Variants in TASP1 observed in about 807,000 individuals in gnomAD.
TASP1 encodes threonine aspartase 1.
TASP1 carries 16 observed loss-of-function variants against 56.6 expected under a neutral mutation model. The observed-to-expected ratio is 0.28, with a 90% CI of 0.19 to 0.43. The LOEUF is 0.43. Among genes scored for constraint, TASP1 ranks in the 20% least tolerant of loss-of-function variants. TASP1 has a pLI of 1.00. For synonymous variants in TASP1, 179 were observed against 184.2 expected, an observed-to-expected ratio of 0.97 and a Z score of 0.23; for missense variants, 393 against 511.6, an observed-to-expected ratio of 0.77 and a Z score of 2.24.
At chr20:13,620,106 G>A (rs1179681043) in intron 4 of TASP1, among the ~76,000 whole-genome samples, 1 of 151,942 alleles carries the variant, frequency 6.6e-6, no homozygotes, top group East Asian at 1.9e-4. Flanking sequence ...ACCTCATTCT[G>A]GTGTCCAGAA....
At chr20:13,519,748 CAT>C (rs1332239231) in intron 10 of TASP1, among the ~76,000 whole-genome samples, 1 of 152,130 alleles carries the variant, frequency 6.6e-6, no homozygotes, top group African/African-American at 2.4e-5. Context: ...TCCTATTTAA[CAT>C]AGTGTTGGAA....
At chr20:13,349,501 G>A in the TASP1 span, among the ~76,000 whole-genome samples, 3 of 152,122 alleles carry the variant, frequency 2.0e-5, no homozygotes, top group Non-Finnish European at 4.4e-5. Flanking sequence ...CCTTAATATT[G>A]GGGTCGTGGG....
intron 1 of TASP1, among the ~76,000 whole-genome samples, chr20:13,631,728 T>C (rs569383021): frequency 5.9e-5 from 9 of 152,370 alleles, no homozygotes; most frequent in African/African-American, 2.2e-4. Flanking sequence ...CACTGTCATC[T>C]GAGATATTTT....
the TASP1 span, chr20:13,288,443 GAGA>G: frequency 2.0e-5 from 26 of 1,312,036 alleles, no homozygotes; most frequent in Non-Finnish European, 2.6e-5. Flanking sequence ...CTCCCACAGC[GAGA>G]AGGATAGAAG....
At chr20:13,632,029 G>A (rs1008412480) in intron 1 of TASP1, among the ~76,000 whole-genome samples, 3 of 151,696 alleles carry the variant, frequency 2.0e-5, no homozygotes, top group African/African-American at 7.3e-5. Context: ...TCCAGCCTGG[G>A]CGACGGAGCA....
At chr20:13,433,303 A>G (rs1284418824) in intron 12 of TASP1, among the ~76,000 whole-genome samples, 1 of 152,104 alleles carries the variant, frequency 6.6e-6, no homozygotes, top group African/African-American at 2.4e-5. Context: ...CAAAGGTTTT[A>G]TGTAAACCCC....
At chr20:13,442,537 G>C (rs1337285229) in intron 11 of TASP1, among the ~76,000 whole-genome samples, 1 of 152,032 alleles carries the variant, frequency 6.6e-6, no homozygotes, top group East Asian at 1.9e-4. Context: ...CAGCTACTCA[G>C]GAAGCTGAGG....
chr20:13,252,643 T>A, the TASP1 span, among the ~76,000 whole-genome samples: 1 of 152,042 alleles, frequency 6.6e-6, no homozygotes, highest in African/African-American at 2.4e-5. Flanking sequence ...TAGTCCCAGA[T>A]ACTCAGGAGG....
At chr20:13,559,221 T>C (rs994125656) in intron 7 of TASP1, 107 bp from the exon 8 acceptor site, 2 of 614,262 alleles carry the variant, frequency 3.3e-6, no homozygotes, top group Non-Finnish European at 5.1e-6. Flanking sequence ...TCCTTCAGTA[T>C]GTTAAATTAA....
the TASP1 span, among the ~76,000 whole-genome samples, chr20:13,107,964 T>C: frequency 0.64 from 97,025 of 151,896 alleles, 31,613 homozygotes; most frequent in African/African-American, 0.74. Flanking sequence ...TTCTTAAGGA[T>C]GTTAAAGGAA....
the TASP1 span, chr20:13,300,800 A>G: frequency 6.6e-6 from 1 of 152,208 alleles, no homozygotes; most frequent in Non-Finnish European, 1.5e-5. Context: ...AAGTCATGGC[A>G]TCCTTGGCAC....
chr20:13,585,219 T>C (rs979352772), intron 5 of TASP1, among the ~76,000 whole-genome samples: 1 of 152,168 alleles, frequency 6.6e-6, no homozygotes, highest in Non-Finnish European at 1.5e-5. Flanking sequence ...CTGAGCTTGA[T>C]AAGAAAGCTA....
At chr20:13,224,125 C>T in the TASP1 span, among the ~76,000 whole-genome samples, 1 of 152,092 alleles carries the variant, frequency 6.6e-6, no homozygotes, top group Non-Finnish European at 1.5e-5. Flanking sequence ...CAAGTAGCTG[C>T]TAATCCACCA....
At chr20:13,367,268 G>T in the TASP1 span, among the ~76,000 whole-genome samples, 1 of 152,120 alleles carries the variant, frequency 6.6e-6, no homozygotes, top group African/African-American at 2.4e-5. Flanking sequence ...AACTGTCTTG[G>T]GCTTTGTGTG....
rs537149121 is a variant in TASP1 at position 13,600,155 on chromosome 20, C to T, written c.283-12785G>A. Reference sequence around the variant, plus strand: ...TAAATCCAATAAATGGAAAGAAATACTATGTTCATGAACTGGAAAATTCAG... The same window carrying T: ...TAAATCCAATAAATGGAAAGAAATATTATGTTCATGAACTGGAAAATTCAG... On this transcript the variant is annotated intron_variant, in intron 4 of 13. Transcript: ENST00000337743. 1.6e-4 allele frequency among the ~76,000 whole-genome samples: 25 copies of T among 152,192 alleles called. No homozygotes were observed. In the Middle Eastern group the frequency reaches 0.01, roughly 63 times the overall value.
chr20:13,153,570 T>G, the TASP1 span, among the ~76,000 whole-genome samples: 1 of 152,150 alleles, frequency 6.6e-6, no homozygotes, highest in Non-Finnish European at 1.5e-5. Flanking sequence ...GACAATTTAA[T>G]GAGCCAATTC....
chr20:13,477,406 G>A (rs2042984371), intron 11 of TASP1, among the ~76,000 whole-genome samples: 2 of 151,948 alleles, frequency 1.3e-5, no homozygotes. Flanking sequence ...AGAAAAAAAA[G>A]AAGTCATTTT....
chr20:13,284,530 A>C, the TASP1 span, among the ~76,000 whole-genome samples: 3 of 152,344 alleles, frequency 2.0e-5, no homozygotes, highest in African/African-American at 7.2e-5. Context: ...GTAGGTGAGC[A>C]ACTGAGAACA....
intron 1 of TASP1, among the ~76,000 whole-genome samples, chr20:13,636,304 C>T (rs1244055170): frequency 6.6e-6 from 1 of 150,762 alleles, no homozygotes; most frequent in Non-Finnish European, 1.5e-5. Context: ...GGCCACCATG[C>T]CGGGCTAATT....
Sources: gnomAD v4.1 joint callset for allele counts (sites outside exome capture counted in the v4.1 genomes callset) on GRCh38, gnomAD v4.1.1 for gene constraint, MANE v1.5 for transcripts, NCBI Gene and HGNC (gene_info 2026-07-23, HGNC 2026-07-21) for gene names.